Variants in DRC11 observed in about 807,000 individuals in gnomAD.
The protein encoded by DRC11 is IQ and AAA domain-containing protein 1.
the DRC11 span, among the ~76,000 whole-genome samples, chr2:236,484,776 T>A: frequency 0.013 from 2,051 of 152,276 alleles, 53 homozygotes; most frequent in African/African-American, 0.047. Context: ...CCTTACTGGG[T>A]CTCTTTTCTT....
chr2:236,473,313 AAC>A, the DRC11 span, among the ~76,000 whole-genome samples: 1 of 152,214 alleles, frequency 6.6e-6, no homozygotes, highest in Non-Finnish European at 1.5e-5. The surrounding 1 kb of genome is among the most constrained non-coding windows in gnomAD (Gnocchi z 4.8). Context: ...AGCTTTCCCA[AAC>A]AGAGTCTCGG....
At chr2:236,409,044 C>G in the DRC11 span, 1 of 609,060 alleles carries the variant, frequency 1.6e-6, no homozygotes, top group Non-Finnish European at 3.0e-6. Context: ...CCGAGGGACC[C>G]ATGTCTGGGA....
the DRC11 span, among the ~76,000 whole-genome samples, chr2:236,381,099 A>C: frequency 6.6e-6 from 1 of 152,160 alleles, no homozygotes; most frequent in Admixed American, 6.5e-5. The surrounding 1 kb of genome is among the most constrained non-coding windows in gnomAD (Gnocchi z 5.8). Context: ...CAATTAGGTC[A>C]CAAGGGTTCC....
the DRC11 span, among the ~76,000 whole-genome samples, chr2:236,358,022 T>G: frequency 1.2e-5 from 1 of 80,024 alleles, no homozygotes; most frequent in African/African-American, 4.6e-5. Flanking sequence ...TATATAGATA[T>G]AATATGAATA....
chr2:236,459,788 T>A, the DRC11 span, among the ~76,000 whole-genome samples: 1 of 151,684 alleles, frequency 6.6e-6, no homozygotes, highest in East Asian at 1.9e-4. Flanking sequence ...CAGATGATTT[T>A]AATTTTCCTC....
At chr2:236,441,454 A>G in the DRC11 span, among the ~76,000 whole-genome samples, 1 of 152,058 alleles carries the variant, frequency 6.6e-6, no homozygotes, top group Non-Finnish European at 1.5e-5. Flanking sequence ...TTCCTGTTTA[A>G]AATTGAGGAT....
the DRC11 span, among the ~76,000 whole-genome samples, chr2:236,388,355 T>A: frequency 6.8e-6 from 1 of 148,062 alleles, no homozygotes; most frequent in Non-Finnish European, 1.5e-5. Flanking sequence ...GAGGCTTTGC[T>A]CATTTCTTTT....
the DRC11 span, among the ~76,000 whole-genome samples, chr2:236,459,539 A>G: frequency 1.5e-5 from 2 of 129,406 alleles, no homozygotes; most frequent in African/African-American, 3.0e-5. Context: ...GTATACGTAT[A>G]CGTATACGTA....
At chr2:236,392,675 C>T in the DRC11 span, among the ~76,000 whole-genome samples, 1 of 152,096 alleles carries the variant, frequency 6.6e-6, no homozygotes, top group Non-Finnish European at 1.5e-5. The surrounding 1 kb of genome is among the most constrained non-coding windows in gnomAD (Gnocchi z 5.1). Context: ...TATGTTAATG[C>T]TGGGATTATA....
chr2:236,461,617 C>T, the DRC11 span, among the ~76,000 whole-genome samples: 1 of 152,186 alleles, frequency 6.6e-6, no homozygotes, highest in Non-Finnish European at 1.5e-5. This position sits in a 1 kb window ranked among gnomAD's most constrained non-coding sequence, Gnocchi z 4.0. Context: ...GAGGGGGCAT[C>T]TGAGTGAGCA....
the DRC11 span, among the ~76,000 whole-genome samples, chr2:236,474,553 C>G: frequency 6.6e-6 from 1 of 152,086 alleles, no homozygotes; most frequent in Non-Finnish European, 1.5e-5. Flanking sequence ...CCAACTGATT[C>G]TAAAGTAAAA....
chr2:236,478,799 T>TC, the DRC11 span, among the ~76,000 whole-genome samples: 2 of 151,744 alleles, frequency 1.3e-5, no homozygotes, highest in African/African-American at 4.8e-5. This position sits in a 1 kb window ranked among gnomAD's most constrained non-coding sequence, Gnocchi z 5.9. Context: ...CTTTTTGGGT[T>TC]CTTTTTTTTT....
the DRC11 span, chr2:236,392,250 C>T: frequency 3.8e-6 from 6 of 1,581,394 alleles, no homozygotes; most frequent in African/African-American, 2.7e-5. The surrounding 1 kb of genome is among the most constrained non-coding windows in gnomAD (Gnocchi z 5.1). Flanking sequence ...GTACCTGTAT[C>T]CTGATCTCTG....
the DRC11 span, among the ~76,000 whole-genome samples, chr2:236,471,585 TAC>T: frequency 6.6e-6 from 1 of 152,216 alleles, no homozygotes; most frequent in African/African-American, 2.4e-5. The surrounding 1 kb of genome is among the most constrained non-coding windows in gnomAD (Gnocchi z 4.6). Flanking sequence ...AGCTAACACT[TAC>T]GTAGTGCTTA....
At chr2:236,436,926 A>G in the DRC11 span, among the ~76,000 whole-genome samples, 598 of 152,174 alleles carry the variant, frequency 3.9e-3, 5 homozygotes, top group African/African-American at 0.014. Context: ...AAAGTTCCCT[A>G]TTATAGCTTT....
At chr2:236,439,640 A>G in the DRC11 span, among the ~76,000 whole-genome samples, 1 of 152,302 alleles carries the variant, frequency 6.6e-6, no homozygotes, top group South Asian at 2.1e-4. Flanking sequence ...GGAGATAATT[A>G]CATCATGATC....
the DRC11 span, among the ~76,000 whole-genome samples, chr2:236,468,008 A>G: frequency 6.6e-6 from 1 of 152,226 alleles, no homozygotes; most frequent in Non-Finnish European, 1.5e-5. Flanking sequence ...AGAGAAAAGG[A>G]AACCACATAT....
chr2:236,357,439 T>G, the DRC11 span, among the ~76,000 whole-genome samples: 1 of 126,784 alleles, frequency 7.9e-6, no homozygotes, highest in Non-Finnish European at 1.5e-5. Flanking sequence ...ATAGTATATG[T>G]ATATTTATAA....
the DRC11 span, among the ~76,000 whole-genome samples, chr2:236,325,992 GT>G: frequency 6.6e-6 from 1 of 152,162 alleles, no homozygotes; most frequent in African/African-American, 2.4e-5. The surrounding 1 kb of genome is among the most constrained non-coding windows in gnomAD (Gnocchi z 4.4). Flanking sequence ...TTTTTCCTTA[GT>G]ACTTTGTAGA....
Sources: allele counts gnomAD v4.1 joint callset (sites outside exome capture counted in the v4.1 genomes callset), GRCh38; gene constraint gnomAD v4.1.1; non-coding constraint Gnocchi (gnomAD v3.1); transcripts MANE v1.5; gene names NCBI Gene and HGNC (gene_info 2026-07-23, HGNC 2026-07-21).